The following NXPH1 variants were observed in gnomAD, a reference collection of about 807,000 sequenced individuals.
NXPH1 encodes neurexophilin 1.
NXPH1 carries 5 observed loss-of-function variants against 23.7 expected under a neutral mutation model. The observed-to-expected ratio is 0.21, with a 90% CI of 0.11 to 0.44. NXPH1 has a LOEUF of 0.44. Among genes scored for constraint, NXPH1 ranks in the 20% least tolerant of loss-of-function variants. The pLI is 0.99. For synonymous variants in NXPH1, 144 were observed against 122.2 expected, an observed-to-expected ratio of 1.18 and a Z score of -1.18; for missense variants, 324 against 321.6, an observed-to-expected ratio of 1.01 and a Z score of -0.06.
At chr7:8,653,950 A>G (rs1004100170) in intron 2 of NXPH1, among the ~76,000 whole-genome samples, 2 of 152,234 alleles carry the variant, frequency 1.3e-5, no homozygotes, top group Admixed American at 6.5e-5. Context: ...GGCACTATTA[A>G]TGTAAGAGTT....
chr7:8,500,124 G>T (rs1357949445), intron 2 of NXPH1, among the ~76,000 whole-genome samples: 3 of 152,054 alleles, frequency 2.0e-5, no homozygotes, highest in African/African-American at 7.2e-5. Flanking sequence ...ACAGGCAGAA[G>T]TTTCCTCGCC....
At chr7:8,499,487 C>G (rs1479000085) in intron 2 of NXPH1, among the ~76,000 whole-genome samples, 1 of 152,046 alleles carries the variant, frequency 6.6e-6, no homozygotes, top group Admixed American at 6.6e-5. Context: ...TGGAAATTAG[C>G]AAGAATGAGA....
At chr7:8,626,719 A>G (rs1819998233) in intron 2 of NXPH1, among the ~76,000 whole-genome samples, 1 of 152,118 alleles carries the variant, frequency 6.6e-6, no homozygotes, top group Non-Finnish European at 1.5e-5. Context: ...AATGTCTTCT[A>G]CTATTTTTAA....
At chr7:8,531,286 G>C (rs1198158231) in intron 2 of NXPH1, among the ~76,000 whole-genome samples, 2 of 151,868 alleles carry the variant, frequency 1.3e-5, no homozygotes, top group Admixed American at 6.6e-5. Flanking sequence ...GCTATAGAGT[G>C]AATGAACAAA....
intron 2 of NXPH1, among the ~76,000 whole-genome samples, chr7:8,510,737 GTATT>G (rs200332854): frequency 0.017 from 2,573 of 152,180 alleles, 60 homozygotes; most frequent in African/African-American, 0.056. Flanking sequence ...CATAATGTAT[GTATT>G]TATAACCACT....
At chr7:8,569,449 CTT>C (rs776662268) in intron 2 of NXPH1, among the ~76,000 whole-genome samples, 4 of 151,794 alleles carry the variant, frequency 2.6e-5, no homozygotes, top group East Asian at 3.9e-4. Context: ...GTGTGATAAT[CTT>C]ATAACTATTT....
chr7:8,605,525 A>C (rs1562422609), intron 2 of NXPH1, among the ~76,000 whole-genome samples: 1 of 152,100 alleles, frequency 6.6e-6, no homozygotes, highest in Non-Finnish European at 1.5e-5. Flanking sequence ...GAGGAGCTCC[A>C]TTTCCCCTTT....
chr7:8,747,569 A>C (rs968555883), intron 2 of NXPH1, among the ~76,000 whole-genome samples: 2 of 152,186 alleles, frequency 1.3e-5, no homozygotes, highest in African/African-American at 4.8e-5. Flanking sequence ...GCCACTACTA[A>C]ATGCATTCCT....
At chr7:8,715,988 T>C (rs1057268136) in intron 2 of NXPH1, among the ~76,000 whole-genome samples, 8 of 152,150 alleles carry the variant, frequency 5.3e-5, no homozygotes, top group African/African-American at 1.9e-4. Context: ...TGAATATACA[T>C]ATATGTGTAC....
intron 2 of NXPH1, among the ~76,000 whole-genome samples, chr7:8,538,384 T>G (rs1356305219): frequency 6.6e-6 from 1 of 151,906 alleles, no homozygotes; most frequent in South Asian, 2.1e-4. Flanking sequence ...GAAATAGTTA[T>G]GAACATACCT....
At chr7:8,571,893 A>C (rs189198850) in intron 2 of NXPH1, among the ~76,000 whole-genome samples, 31 of 151,974 alleles carry the variant, frequency 2.0e-4, no homozygotes, top group Admixed American at 2.0e-4. Context: ...AAAAAAAAAA[A>C]AAACACTTGG....
At chr7:8,635,503 T>C (rs1659166598) in intron 2 of NXPH1, among the ~76,000 whole-genome samples, 1 of 152,154 alleles carries the variant, frequency 6.6e-6, no homozygotes, top group South Asian at 2.1e-4. Context: ...ATTTCCTCCA[T>C]TATCAAGACC....
intron 2 of NXPH1, among the ~76,000 whole-genome samples, chr7:8,513,109 AG>A (rs1032553964): frequency 6.6e-6 from 1 of 152,062 alleles, no homozygotes; most frequent in African/African-American, 2.4e-5. Context: ...TCATAGAAGA[AG>A]GAGGGAAAAG....
intron 2 of NXPH1, among the ~76,000 whole-genome samples, chr7:8,595,641 G>C (rs1364880497): frequency 6.6e-6 from 1 of 152,068 alleles, no homozygotes; most frequent in Non-Finnish European, 1.5e-5. Context: ...CTGACAATTT[G>C]TGAAAGTGTA....
intron 2 of NXPH1, among the ~76,000 whole-genome samples, chr7:8,477,797 A>G (rs10242261): frequency 0.056 from 8,543 of 152,102 alleles, 656 homozygotes; most frequent in African/African-American, 0.17. Flanking sequence ...CTAGTTAGCC[A>G]TTATTGCTAT....
chr7:8,722,947 G>A (rs1779993119), intron 2 of NXPH1, among the ~76,000 whole-genome samples: 1 of 152,142 alleles, frequency 6.6e-6, no homozygotes, highest in Admixed American at 6.5e-5. Context: ...CAACCACAGA[G>A]CAAAAATGTC....
chr7:8,664,588 C>A (rs1469364644), intron 2 of NXPH1, among the ~76,000 whole-genome samples: 2 of 152,078 alleles, frequency 1.3e-5, no homozygotes, highest in Non-Finnish European at 2.9e-5. Context: ...TATTTTTAAT[C>A]TTTTGAGAAA....
chr7:8,459,462 T>C, intron 2 of NXPH1, among the ~76,000 whole-genome samples: 1 of 152,216 alleles, frequency 6.6e-6, no homozygotes, highest in Non-Finnish European at 1.5e-5. Context: ...GTTTCATCAG[T>C]AGAGAAAACA....
intron 2 of NXPH1, among the ~76,000 whole-genome samples, chr7:8,670,944 A>G (rs957934504): frequency 6.6e-6 from 1 of 152,122 alleles, no homozygotes; most frequent in Admixed American, 6.5e-5. Flanking sequence ...CACCTCTGAC[A>G]TGGTCTTATC....
Sources: gnomAD v4.1 joint callset for allele counts (sites outside exome capture counted in the v4.1 genomes callset) on GRCh38, gnomAD v4.1.1 for gene constraint, MANE v1.5 for transcripts, NCBI Gene and HGNC (gene_info 2026-07-23, HGNC 2026-07-21) for gene names.